SIK2: variants seen among roughly 807,000 people sequenced by gnomAD.
SIK2 encodes serine/threonine-protein kinase SIK2.
In SIK2, 29 loss-of-function variants were observed where a neutral mutation model predicts 103.2. The ratio of observed to expected loss-of-function variants is 0.28; its 90% CI spans 0.21 to 0.38. The LOEUF (loss-of-function observed/expected upper bound fraction) is 0.38, where lower values mean the gene tolerates loss of function less well. Among genes scored for constraint, SIK2 ranks in the 10% least tolerant of loss-of-function variants. SIK2 has a pLI of 1.00. For missense variants in SIK2, 879 were observed against 1,171.0 expected (o/e 0.75, Z 3.64); for synonymous variants, 412 against 446.1 (o/e 0.92, Z 0.96).
At chr11:111,623,040 A>G (rs767467742) in intron 3 of SIK2, among the ~76,000 whole-genome samples, 4 of 152,192 alleles carry the variant, frequency 2.6e-5, no homozygotes, top group Non-Finnish European at 4.4e-5. Context: ...AGTCAAATGT[A>G]TATTAAACTG....
At chr11:111,648,316 C>T (rs1355158474) in intron 3 of SIK2, among the ~76,000 whole-genome samples, 2 of 152,084 alleles carry the variant, frequency 1.3e-5, no homozygotes, top group Non-Finnish European at 2.9e-5. Context: ...AAATTTATTT[C>T]TCGCAGTTCT....
At chr11:111,640,722 ATTTTTTTTTTTT>A (rs58052684) in intron 3 of SIK2, among the ~76,000 whole-genome samples, 5 of 65,944 alleles carry the variant, frequency 7.6e-5, no homozygotes, top group African/African-American at 1.5e-4. Context: ...GAAACAGGCA[ATTTTTTTTTTTT>A]TTTTTTTTTT....
At chr11:111,716,818 C>T (rs570496696) in intron 9 of SIK2, among the ~76,000 whole-genome samples, 1 of 152,060 alleles carries the variant, frequency 6.6e-6, no homozygotes, top group South Asian at 2.1e-4. Flanking sequence ...AAAAAAGAAC[C>T]TGCATGAAAA....
intron 1 of SIK2, among the ~76,000 whole-genome samples, chr11:111,613,326 A>T (rs139524887): frequency 6.6e-6 from 1 of 152,086 alleles, no homozygotes; most frequent in Non-Finnish European, 1.5e-5. Flanking sequence ...ATCTTCTTCT[A>T]TTAGATGGTT....
At chr11:111,712,968 C>T (rs1448476285) in intron 9 of SIK2, among the ~76,000 whole-genome samples, 1 of 152,080 alleles carries the variant, frequency 6.6e-6, no homozygotes, top group Non-Finnish European at 1.5e-5. Flanking sequence ...AGTTCCAGAC[C>T]ACCTTGGGCA....
chr11:111,602,809 C>T lies in SIK2; in HGVS notation c.135+111C>T. ...ACCGGGGAGACCCGAGAGGCCGCCT[C>T]ACTGGCGGAGGCGAGCGGGCCTGGG... On this transcript the variant is annotated intron_variant, in intron 1 of 14. Coordinates refer to ENST00000304987, the MANE Select transcript of SIK2 (RefSeq NM_015191.3). This position sits in a 1 kb window ranked among gnomAD's most constrained non-coding sequence, Gnocchi z 4.5. 7.3e-7 allele frequency: 1 copy of T among 1,370,896 alleles called. No individual in the cohort carries two copies. The highest frequency in any genetic ancestry group is 9.4e-7 in the Non-Finnish European group (1 of 1,061,652). 84.9% of individuals were successfully genotyped at this position (1,370,896 alleles called of 1,614,324 possible).
intron 3 of SIK2, among the ~76,000 whole-genome samples, chr11:111,663,036 C>G (rs1310027557): frequency 6.6e-6 from 1 of 151,940 alleles, no homozygotes; most frequent in Non-Finnish European, 1.5e-5. Context: ...AGTTCAAGAC[C>G]AGCCTGGGCA....
intron 3 of SIK2, among the ~76,000 whole-genome samples, chr11:111,653,773 C>G (rs1326722435): frequency 2.6e-5 from 4 of 152,314 alleles, no homozygotes; most frequent in African/African-American, 9.6e-5. Context: ...AATGTTCCAC[C>G]CATAATTTTA....
chr11:111,623,699 G>A (rs903035896), intron 3 of SIK2, among the ~76,000 whole-genome samples: 1 of 152,190 alleles, frequency 6.6e-6, no homozygotes, highest in Non-Finnish European at 1.5e-5. Context: ...TAAGCACCAG[G>A]CAGTGTTCTC....
At chr11:111,715,479 A>G (rs931255744) in intron 9 of SIK2, among the ~76,000 whole-genome samples, 3 of 152,212 alleles carry the variant, frequency 2.0e-5, no homozygotes, top group Non-Finnish European at 4.4e-5. Context: ...GTGCATCTCA[A>G]AGAGACTTCA....
chr11:111,675,329 C>T (rs1460650233), intron 3 of SIK2, among the ~76,000 whole-genome samples: 2 of 152,114 alleles, frequency 1.3e-5, no homozygotes, highest in Admixed American at 6.5e-5. Context: ...TACAAAGTCA[C>T]GTGACAAAGG....
chr11:111,702,325 C>CTG (rs1421681192), intron 6 of SIK2, among the ~76,000 whole-genome samples: 2 of 152,168 alleles, frequency 1.3e-5, no homozygotes, highest in Admixed American at 1.3e-4. Flanking sequence ...TGGTTTATAC[C>CTG]TGTAAGTCCA....
chr11:111,614,856 C>T lies in SIK2; in HGVS notation c.136-1387C>T, dbSNP rs572020796. Among the ~76,000 whole-genome samples the T allele has an allele frequency of 3.5e-4, 53 of 152,032 alleles. 1 individual carries two copies. The highest frequency in any genetic ancestry group is 2.7e-4 in the Non-Finnish European group (18 of 67,922). On this transcript the variant is annotated intron_variant, in intron 1 of 14. Coordinates refer to ENST00000304987, the MANE Select transcript of SIK2 (RefSeq NM_015191.3). ...AATTGCTGATATTAAAAGTTATCCTCGGCTGGGCACAGTGGCTCACGCCTG... is the reference window on the plus strand; with the variant it reads ...AATTGCTGATATTAAAAGTTATCCTTGGCTGGGCACAGTGGCTCACGCCTG...
chr11:111,679,891 G>A (rs938469985), intron 3 of SIK2, among the ~76,000 whole-genome samples: 4 of 152,268 alleles, frequency 2.6e-5, no homozygotes, highest in East Asian at 1.9e-4. Flanking sequence ...TTGGGAGGCC[G>A]AGGTGGGCGG....
intron 3 of SIK2, chr11:111,672,352 A>G (rs143107271): frequency 5.7e-6 from 3 of 529,850 alleles, no homozygotes; most frequent in African/African-American, 4.0e-5. Flanking sequence ...GCTGAAGGCC[A>G]AGGGGCCAGA....
intron 1 of SIK2, among the ~76,000 whole-genome samples, chr11:111,605,263 C>T (rs1318641268): frequency 2.0e-5 from 3 of 152,104 alleles, no homozygotes; most frequent in African/African-American, 7.2e-5. Flanking sequence ...GCGCCTGGCC[C>T]AATTGTTTCT....
rs1289125836 is a variant in SIK2, at chr11:111,724,369, T to A, written c.*240T>A. 5.4e-6 allele frequency: 3 copies of A among 550,464 alleles called. No individual in the cohort carries two copies. Among genetic ancestry groups the A allele is most frequent in the Non-Finnish European group, 9.6e-6 (3 of 313,588 alleles). 34.1% of individuals were successfully genotyped at this position (550,464 alleles called of 1,614,324 possible). A position where few individuals can be genotyped will look rare whatever the true frequency, so the allele number is the denominator to read the frequency against. ...TAGTTGTAGGCTGAGGCTCCTGCCC[T>A]TCGGTCGAGTGGAGCAAGCTCTCGA... is the stretch of plus-strand genomic sequence containing the variant. On this transcript the variant is annotated 3_prime_UTR_variant, in exon 15 of 15. Coordinates refer to ENST00000304987, the MANE Select transcript of SIK2 (RefSeq NM_015191.3).
chr11:111,674,749 A>ATTTTTT (rs1205063442), intron 3 of SIK2, among the ~76,000 whole-genome samples: 1 of 145,516 alleles, frequency 6.9e-6, no homozygotes, highest in Non-Finnish European at 1.5e-5. Context: ...TACTGTGATA[A>ATTTTTT]TTTTTTTTTT....
rs1405134626 is a variant in SIK2, at chr11:111,612,938, A to ATATATATATATATATG, written c.136-3296_136-3295insATATATGTATATATAT. Among the ~76,000 whole-genome samples, 101 of 146,572 alleles carry ATATATATATATATATG rather than the reference A, an allele frequency of 6.9e-4. 2 individuals are homozygous for ATATATATATATATATG. Among genetic ancestry groups the ATATATATATATATATG allele is most frequent in the African/African-American group, 2.6e-3 (99 of 38,648 alleles). On this transcript the variant is annotated intron_variant, in intron 1 of 14. Transcript: ENST00000304987. Reference sequence around the variant, plus strand: ...GGGATATATATATATATATATATATATATATATATTTATGATCATAGGATC... The same window carrying ATATATATATATATATG: ...GGGATATATATATATATATATATATATATATATATATATATGTATATATATTTATGATCATAGGATC...
Sources: allele counts gnomAD v4.1 joint callset (sites outside exome capture counted in the v4.1 genomes callset), GRCh38; gene constraint gnomAD v4.1.1; non-coding constraint Gnocchi (gnomAD v3.1); transcripts MANE v1.5; gene names NCBI Gene and HGNC (gene_info 2026-07-23, HGNC 2026-07-21).